Variants in ZNF718 observed in about 807,000 individuals in gnomAD.
The protein encoded by ZNF718 is zinc finger protein 718.
Under a neutral mutation model 2.6 loss-of-function variants are expected in ZNF718, and 3 were observed. That is an observed-to-expected ratio of 1.16 (90% CI 0.53 to 3.01). The LOEUF (loss-of-function observed/expected upper bound fraction) is 3.01. Ranked by LOEUF, ZNF718 falls within the 30% of genes most tolerant of loss-of-function variation. The pLI is 0.03. For synonymous variants in ZNF718, 135 were observed against 77.9 expected (o/e 1.73, Z -3.86); for missense variants, 468 against 230.0 (o/e 2.03, Z -6.69).
chr4:135,732 T>TTATATA lies in ZNF718; in HGVS notation c.226+4231_226+4236dup, dbSNP rs1303050207. ...GAGTTTTTGTTCATTTACTCTAGAG[T>TTATATA]TATATATATGTGCATGATTATATAA... On this transcript the variant is annotated intron_variant, in intron 3 of 3. Transcript: ENST00000510175. 5.7e-4 allele frequency among the ~76,000 whole-genome samples: 44 copies of TTATATA among 77,632 alleles called. 3 individuals carry two copies. The highest frequency in any genetic ancestry group is 3.5e-3 in the East Asian group (6 of 1,720). The allele number at this position is 77,632 out of a possible 152,430, so 50.9% of individuals were successfully genotyped here.
rs1716808225 is a variant in ZNF718 at position 161,085 on chromosome 4, T to C, written c.400T>C (p.Cys134Arg). The C allele has an allele frequency of 2.6e-6, 2 of 776,166 alleles. No homozygotes were observed. Among genetic ancestry groups the C allele is most frequent in the African/African-American group, 1.7e-5 (1 of 59,050 alleles). 48.1% of individuals were successfully genotyped at this position (776,166 alleles called of 1,614,324 possible). A position where few individuals can be genotyped will look rare whatever the true frequency, so the allele number is the denominator to read the frequency against. The part of the protein sequence containing the change: ...QKGGYNRINQ[C>R]LLTTQKKTIQ... Reference sequence around the variant, plus strand: ...AGGTGGTTATAATAGAATTAACCAATGCTTATTAACTACCCAGAAAAAAAC... The same window carrying C: ...AGGTGGTTATAATAGAATTAACCAACGCTTATTAACTACCCAGAAAAAAAC... Residue 134 changes from cysteine to arginine, a missense_variant, in exon 4 of 4, where the codon TGC (cysteine) becomes CGC (arginine). Transcript: ENST00000510175.
intron 3 of ZNF718, among the ~76,000 whole-genome samples, chr4:157,289 T>C (rs911113160): frequency 2.6e-5 from 4 of 151,824 alleles, no homozygotes; most frequent in Non-Finnish European, 5.9e-5. Context: ...ATTTTGTATG[T>C]TTTTAGTAGA....
downstream of ZNF718, among the ~76,000 whole-genome samples, chr4:167,962 A>C (rs778267721): frequency 6.6e-6 from 1 of 152,040 alleles, no homozygotes; most frequent in Non-Finnish European, 1.5e-5. Flanking sequence ...TTTTTTGCCC[A>C]TTCTGTATGA....
At chr4:201,071 C>T (rs142781739) in intron 3 of ZNF718, 1 of 152,296 alleles carries the variant, frequency 6.6e-6, no homozygotes, top group Non-Finnish European at 1.5e-5. Flanking sequence ...CACTTGAATC[C>T]TTTCCCCAGG....
At chr4:151,246 GT>G (rs1474243500) in intron 3 of ZNF718, among the ~76,000 whole-genome samples, 1 of 151,886 alleles carries the variant, frequency 6.6e-6, no homozygotes, top group Non-Finnish European at 1.5e-5. Context: ...GGGACTACAG[GT>G]GCATACTGCC....
intron 3 of ZNF718, among the ~76,000 whole-genome samples, chr4:154,450 A>G (rs782625763): frequency 1.3e-5 from 2 of 152,162 alleles, no homozygotes; most frequent in Non-Finnish European, 2.9e-5. Flanking sequence ...CTTTGACCAA[A>G]GTGCTAATAA....
intron 3 of ZNF718, among the ~76,000 whole-genome samples, chr4:181,499 T>C (rs782674644): frequency 2.1e-4 from 32 of 152,290 alleles, no homozygotes; most frequent in Non-Finnish European, 4.0e-4. Flanking sequence ...TTTATTTGTT[T>C]GCATGTTGAC....
At position 161,124 on chromosome 4, in the gene ZNF718, A is replaced by G. The variant is rs374792848; in HGVS notation, c.439A>G (p.Ile147Val). ...TTQKKTIQSN[I>V]CVKVFHKFSN... is the part of the protein sequence containing the mutation. Reference sequence around the variant, plus strand: ...CCAGAAAAAAACAATTCAATCTAATATATGTGTCAAAGTTTTTCATAAATT... The same window carrying G: ...CCAGAAAAAAACAATTCAATCTAATGTATGTGTCAAAGTTTTTCATAAATT... The change falls in exon 4 of 4, where the codon ATA becomes GTA. Residue 147 changes from isoleucine (I) to valine (V), a missense_variant. By Grantham distance (29) the Ile-to-Val change is conservative. Coordinates refer to ENST00000510175, the MANE Select transcript of ZNF718 (RefSeq NM_001039127.6). 14 of 759,228 alleles carry G rather than the reference A, an allele frequency of 1.8e-5. No individual in the cohort carries two copies. The highest frequency in any genetic ancestry group is 3.2e-5 in the Non-Finnish European group (13 of 406,680). 47.0% of individuals were successfully genotyped at this position (759,228 alleles called of 1,614,324 possible). A position where few individuals can be genotyped will look rare whatever the true frequency, so the allele number is the denominator to read the frequency against.
chr4:188,779 T>C (rs1269001396), intron 3 of ZNF718, among the ~76,000 whole-genome samples: 1 of 152,078 alleles, frequency 6.6e-6, no homozygotes, highest in African/African-American at 2.4e-5. Flanking sequence ...GGGTTGCAAA[T>C]TCACTCACCC....
chr4:187,105 T>C (rs1404175605), intron 3 of ZNF718, among the ~76,000 whole-genome samples: 4 of 152,186 alleles, frequency 2.6e-5, no homozygotes, highest in Admixed American at 1.3e-4. Flanking sequence ...TTTGTTGTCG[T>C]TTGTCTGTTT....
At chr4:160,820 G>A (rs150420108) in intron 3 of ZNF718, 92 bp from the exon 4 acceptor site, 27 of 655,440 alleles carry the variant, frequency 4.1e-5, no homozygotes, top group African/African-American at 4.0e-4. Flanking sequence ...GAAACTGCTG[G>A]AATTACTGGC....
At chr4:165,863 T>G (rs1717075032), downstream of ZNF718, among the ~76,000 whole-genome samples, 1 of 59,204 alleles carries the variant, frequency 1.7e-5, no homozygotes, top group Non-Finnish European at 3.1e-5. Context: ...TTTTTATTAT[T>G]ATACTTTTAA....
At chr4:180,326 G>A (rs1234726246) in intron 3 of ZNF718, among the ~76,000 whole-genome samples, 1 of 152,150 alleles carries the variant, frequency 6.6e-6, no homozygotes, top group African/African-American at 2.4e-5. Context: ...GTGTTTTCTA[G>A]GCTGGTTGCT....
At position 162,371 on chromosome 4, in the gene ZNF718, A is replaced by G. The variant is rs1036716907; in HGVS notation, c.*249A>G. On this transcript the variant is annotated 3_prime_UTR_variant, in exon 4 of 4. Coordinates refer to ENST00000510175, the MANE Select transcript of ZNF718 (RefSeq NM_001039127.6). ...GCAGAAAACCCCTAGGAATATTAAAAGTGTGGCAAAACCTTTAACCAATGC... is the reference window on the plus strand; with the variant it reads ...GCAGAAAACCCCTAGGAATATTAAAGGTGTGGCAAAACCTTTAACCAATGC... 5 of 360,982 alleles carry G rather than the reference A, an allele frequency of 1.4e-5. No homozygotes were observed. Among genetic ancestry groups the G allele is most frequent in the Non-Finnish European group, 2.5e-5 (5 of 200,810 alleles). The allele number at this position is 360,982 out of a possible 1,614,324, so 22.4% of individuals were successfully genotyped here. A position where few individuals can be genotyped will look rare whatever the true frequency, so the allele number is the denominator to read the frequency against.
intron 3 of ZNF718, among the ~76,000 whole-genome samples, chr4:173,740 G>C (rs1717291136): frequency 6.6e-6 from 1 of 152,192 alleles, no homozygotes; most frequent in Non-Finnish European, 1.5e-5. Flanking sequence ...ATTGCCCAGA[G>C]AAACAGGAGG....
intron 3 of ZNF718, among the ~76,000 whole-genome samples, chr4:183,750 T>C (rs1158854856): frequency 1.3e-5 from 2 of 152,166 alleles, no homozygotes; most frequent in African/African-American, 4.8e-5. Context: ...TACTAGGTAT[T>C]GTATTCTTTT....
rs112537324 is a variant in ZNF718 at position 162,268 on chromosome 4, G to T, written c.*146G>T. ...TCTAAACATAAGAGAAATGGTATTGGTGAGAAGCCATAAAAATATGAAAAA... is the reference window on the plus strand; with the variant it reads ...TCTAAACATAAGAGAAATGGTATTGTTGAGAAGCCATAAAAATATGAAAAA... On this transcript the variant is annotated 3_prime_UTR_variant, in exon 4 of 4. Coordinates refer to ENST00000510175, the MANE Select transcript of ZNF718 (RefSeq NM_001039127.6). The T allele has an allele frequency of 0.015, 7,797 of 505,420 alleles. 151 individuals are homozygous for T. Among genetic ancestry groups the T allele is most frequent in the African/African-American group, 0.065 (3,381 of 52,362 alleles). 31.3% of individuals were successfully genotyped at this position (505,420 alleles called of 1,614,324 possible).
At chr4:148,347 A>C (rs908302752) in intron 3 of ZNF718, among the ~76,000 whole-genome samples, 6 of 152,072 alleles carry the variant, frequency 3.9e-5, no homozygotes, top group African/African-American at 1.4e-4. Flanking sequence ...AGTGACTCAC[A>C]TCTGTAATCC....
At chr4:126,520 C>CAGGT (rs1217925955) in intron 1 of ZNF718, among the ~76,000 whole-genome samples, 4 of 152,196 alleles carry the variant, frequency 2.6e-5, no homozygotes, top group African/African-American at 9.7e-5. Flanking sequence ...CTGCCTTCAG[C>CAGGT]AGGTACCTGG....
Sources: gnomAD v4.1 joint callset for allele counts (sites outside exome capture counted in the v4.1 genomes callset) on GRCh38, gnomAD v4.1.1 for gene constraint, MANE v1.5 for transcripts, NCBI Gene and HGNC (gene_info 2026-07-23, HGNC 2026-07-21) for gene names.